Variants in PI4K2A observed in about 807,000 individuals in gnomAD.
PI4K2A encodes phosphatidylinositol 4-kinase type 2 alpha, also known as phosphatidylinositol 4-kinase type 2-alpha.
Under a neutral mutation model 55.0 loss-of-function variants are expected in PI4K2A, and 20 were observed. The ratio of observed to expected loss-of-function variants is 0.36; its 90% CI spans 0.26 to 0.53. The LOEUF is 0.53. PI4K2A is among the 20% of genes least tolerant of loss of function. PI4K2A has a pLI of 0.91. For missense variants in PI4K2A, 463 were observed against 637.1 expected, an observed-to-expected ratio of 0.73 and a Z score of 2.94; for synonymous variants, 235 against 258.5, an observed-to-expected ratio of 0.91 and a Z score of 0.87.
At chr10:97,640,731 G>A in exon 1 of PI4K2A, 1 of 1,480,326 alleles carries the variant, frequency 6.8e-7, no homozygotes, top group Non-Finnish European at 9.0e-7. Context: ...CCCGGAGCCG[G>A]CTGTCTGAGG....
chr10:97,666,979 A>C, intron 7 of PI4K2A, 82 bp from the exon 8 acceptor site: 7 of 1,082,524 alleles, frequency 6.5e-6, no homozygotes, highest in Non-Finnish European at 9.8e-6. Context: ...TTTCCTTCTT[A>C]GAAAGTTTCT....
In PI4K2A at chr10:97,660,665, GT is replaced by G. The variant is rs1032806013; in HGVS notation, c.923-2230del. 9.8e-4 allele frequency among the ~76,000 whole-genome samples: 138 copies of G among 141,468 alleles called. 1 individual carries two copies. The highest frequency in any genetic ancestry group is 1.5e-3 in the East Asian group (7 of 4,824). The allele number at this position is 141,468 out of a possible 152,430, so 92.8% of individuals were successfully genotyped here. On this transcript the variant is annotated intron_variant, in intron 4 of 8. Transcript: ENST00000370631. ...CATAGTTTAGTTGTATCTTACAAGT[GT>G]TTTTTTTTTTTACCATAATCATTAT... is the stretch of plus-strand genomic sequence containing the variant.
At chr10:97,667,210 ACCC>A (rs151275374) in intron 8 of PI4K2A, 90 bp downstream of exon 8, 2 of 756,450 alleles carry the variant, frequency 2.6e-6, no homozygotes, top group South Asian at 1.9e-5. Context: ...TGTGTTTTAT[ACCC>A]CCCCCTTTTT....
In PI4K2A at chr10:97,656,144, T is replaced by C; in HGVS notation, c.637-141T>C. The C allele has an allele frequency of 1.5e-6, 1 of 685,000 alleles. No homozygotes were observed. Among genetic ancestry groups the C allele is most frequent in the Non-Finnish European group, 2.5e-6 (1 of 407,668 alleles). The allele number at this position is 685,000 out of a possible 1,614,324, so 42.4% of individuals were successfully genotyped here. Reference sequence around the variant, plus strand: ...TAGTTATCTTCCCTCTCCTAGTTGCTGGGAAGGCTGAGAAATGTATTCTTT... The same window carrying C: ...TAGTTATCTTCCCTCTCCTAGTTGCCGGGAAGGCTGAGAAATGTATTCTTT... On this transcript the variant is annotated intron_variant, in intron 2 of 8. Transcript: ENST00000370631. The surrounding 1 kb of genome is among the most constrained non-coding windows in gnomAD (Gnocchi z 4.5).
chr10:97,672,505 G>A (rs79972327), intron 8 of PI4K2A, among the ~76,000 whole-genome samples: 2,197 of 152,076 alleles, frequency 0.014, 53 homozygotes, highest in African/African-American at 0.049. Flanking sequence ...ACACAACATT[G>A]TGATCGCTTC....
chr10:97,651,460 G>T (rs565425002), intron 2 of PI4K2A, among the ~76,000 whole-genome samples: 1 of 152,108 alleles, frequency 6.6e-6, no homozygotes, highest in Non-Finnish European at 1.5e-5. Flanking sequence ...TGACTTTGTG[G>T]CTTACTCTCA....
intron 1 of PI4K2A, among the ~76,000 whole-genome samples, chr10:97,642,682 C>T (rs1056271940): frequency 3.3e-5 from 5 of 151,976 alleles, no homozygotes; most frequent in Non-Finnish European, 5.9e-5. Flanking sequence ...CCACCGCGCC[C>T]GGCCTCCAAG....
In PI4K2A at chr10:97,669,482, G is replaced by A. The variant is rs553751514; in HGVS notation, c.1278+2362G>A. Among the ~76,000 whole-genome samples, 5 of 152,234 alleles carry A rather than the reference G, an allele frequency of 3.3e-5. No individual in the cohort carries two copies. In the East Asian group the frequency reaches 5.8e-4, roughly 18 times the overall value. ...AGGATGGTAGGGAGGTTGGGGTAGT[G>A]CAGTTTTATTTATCTCCATCTTGTG... On this transcript the variant is annotated intron_variant, in intron 8 of 8. Coordinates refer to ENST00000370631, the Ensembl canonical transcript of PI4K2A.
At chr10:97,651,950 G>C (rs993018891) in intron 2 of PI4K2A, among the ~76,000 whole-genome samples, 9 of 152,088 alleles carry the variant, frequency 5.9e-5, no homozygotes, top group African/African-American at 1.9e-4. Flanking sequence ...CACTGAGTAC[G>C]TGGCTACCTG....
chr10:97,667,477 T>G (rs546383448), intron 8 of PI4K2A, among the ~76,000 whole-genome samples: 1 of 152,350 alleles, frequency 6.6e-6, no homozygotes, highest in South Asian at 2.1e-4. Context: ...CCCAGAGTGC[T>G]GGGATTACAG....
At chr10:97,643,417 T>C (rs1476452608) in intron 1 of PI4K2A, among the ~76,000 whole-genome samples, 3 of 151,856 alleles carry the variant, frequency 2.0e-5, no homozygotes, top group African/African-American at 7.3e-5. Flanking sequence ...AGAGCTGCAT[T>C]GGAAGTGGGT....
In PI4K2A at chr10:97,656,517, A is replaced by C; in HGVS notation, c.768+101A>C. The C allele has an allele frequency of 9.0e-7, 1 of 1,110,972 alleles. No homozygotes were observed. The highest frequency in any genetic ancestry group is 1.3e-6 in the Non-Finnish European group (1 of 750,864). The allele number at this position is 1,110,972 out of a possible 1,614,324, so 68.8% of individuals were successfully genotyped here. A position where few individuals can be genotyped will look rare whatever the true frequency, so the allele number is the denominator to read the frequency against. On this transcript the variant is annotated intron_variant, in intron 3 of 8. Transcript: ENST00000370631. This position sits in a 1 kb window ranked among gnomAD's most constrained non-coding sequence, Gnocchi z 4.5. ...CTACAACTCAAATATGGGCACGTGA[A>C]TAACCTGCCCTGAGGATCCTGTCTT...
chr10:97,654,935 T>G (rs2041545394), intron 2 of PI4K2A, among the ~76,000 whole-genome samples: 1 of 152,176 alleles, frequency 6.6e-6, no homozygotes, highest in Non-Finnish European at 1.5e-5. Context: ...CTGCTACCCC[T>G]ATCTCCTGGC....
At chr10:97,665,545 A>T (rs766576364) in intron 6 of PI4K2A, among the ~76,000 whole-genome samples, 2 of 152,110 alleles carry the variant, frequency 1.3e-5, no homozygotes, top group African/African-American at 2.4e-5. Context: ...AAATGCTGGG[A>T]TTACAGGTGT....
chr10:97,647,138 T>C (rs920155748), intron 1 of PI4K2A, among the ~76,000 whole-genome samples: 3 of 152,094 alleles, frequency 2.0e-5, no homozygotes, highest in Non-Finnish European at 4.4e-5. Flanking sequence ...CCTCTTGCTT[T>C]CTTGTGTGAT....
At chr10:97,647,152 G>A (rs1331719400) in intron 1 of PI4K2A, among the ~76,000 whole-genome samples, 1 of 152,044 alleles carries the variant, frequency 6.6e-6, no homozygotes, top group African/African-American at 2.4e-5. Context: ...GTGTGATTTG[G>A]TTTTTATTCC....
rs752829397 is a variant in PI4K2A at position 97,656,455 on chromosome 10, A to G, written c.768+39A>G. On this transcript the variant is annotated intron_variant, in intron 3 of 8. Transcript: ENST00000370631. The surrounding 1 kb of genome is among the most constrained non-coding windows in gnomAD (Gnocchi z 4.5). ...TCTGGCTTATCAAGGGTCATGATTT[A>G]TAGTGACATAGTCATCCAAGTGGTG... is the stretch of plus-strand genomic sequence containing the variant. 2 of 1,595,160 alleles carry G rather than the reference A, an allele frequency of 1.3e-6. No homozygotes were observed. Among genetic ancestry groups the G allele is most frequent in the Admixed American group, 1.7e-5 (1 of 59,654 alleles).
intron 4 of PI4K2A, among the ~76,000 whole-genome samples, chr10:97,661,870 T>TTTTG (rs2041586006): frequency 7.5e-6 from 1 of 133,450 alleles, no homozygotes. Flanking sequence ...TTTTTTTTTT[T>TTTTG]GAGGCAGGGT....
chr10:97,666,036 T>G (rs1431013539), intron 6 of PI4K2A, among the ~76,000 whole-genome samples: 1 of 152,240 alleles, frequency 6.6e-6, no homozygotes, highest in Non-Finnish European at 1.5e-5. Context: ...GTGTTCTGTC[T>G]TCCTTGTTCC....
Sources: gnomAD v4.1 joint callset for allele counts (sites outside exome capture counted in the v4.1 genomes callset) on GRCh38, gnomAD v4.1.1 for gene constraint, Gnocchi (gnomAD v3.1) non-coding constraint, MANE v1.5 for transcripts, NCBI Gene and HGNC (gene_info 2026-07-23, HGNC 2026-07-21) for gene names.